Variants in SPTB observed in about 807,000 individuals in gnomAD.
SPTB encodes the protein spectrin beta chain, erythrocytic.
A neutral mutation model predicts 256.2 loss-of-function variants in SPTB; 45 were observed. That is an observed-to-expected ratio of 0.18 (90% CI 0.14 to 0.23). The LOEUF (loss-of-function observed/expected upper bound fraction) is 0.23, where lower values mean the gene tolerates loss of function less well. SPTB is among the 10% of genes least tolerant of loss of function. SPTB has a pLI of 1.00. For synonymous variants in SPTB, 1,231 were observed against 1,243.1 expected (o/e 0.99, Z 0.21); for missense variants, 2,715 against 3,040.4 (o/e 0.89, Z 2.52).
At position 64,796,001 on chromosome 14, in the gene SPTB, C is replaced by G. The variant is rs1435784348; in HGVS notation, c.1342-362G>C. 6.6e-6 allele frequency among the ~76,000 whole-genome samples: 1 copy of G among 152,212 alleles called. No homozygotes were observed. Among genetic ancestry groups the G allele is most frequent in the African/African-American group, 2.4e-5 (1 of 41,460 alleles). ...GCTGCTTCTCACTCGGAAACCCATG[C>G]ACCAGCAAACAGATGGTTTATTCAC... is the stretch of plus-strand genomic sequence containing the variant. On this transcript the variant is annotated intron_variant, in intron 11 of 35. Coordinates refer to ENST00000644917, the MANE Select transcript of SPTB (RefSeq NM_001355436.2). The surrounding 1 kb of genome is among the most constrained non-coding windows in gnomAD (Gnocchi z 4.1).
rs759448907 is a variant in SPTB, at chr14:64,796,843, G to T, written c.1183-128C>A. ...GTACAGCCTGATGCTCTTGGGTGAC[G>T]TGGTAGCAGATTAAAGATCAATAAA... On this transcript the variant is annotated intron_variant, in intron 10 of 35. Transcript: ENST00000644917. The surrounding 1 kb of genome is among the most constrained non-coding windows in gnomAD (Gnocchi z 4.1). The T allele has an allele frequency of 2.4e-5, 30 of 1,235,174 alleles. No individual in the cohort carries two copies. Among genetic ancestry groups the T allele is most frequent in the Non-Finnish European group, 3.4e-5 (29 of 864,108 alleles). 76.5% of individuals were successfully genotyped at this position (1,235,174 alleles called of 1,614,324 possible).
At position 64,797,754 on chromosome 14, in the gene SPTB, C is replaced by T. The variant is rs761256991; in HGVS notation, c.1157G>A (p.Gly386Glu). 1.9e-6 allele frequency: 3 copies of T among 1,613,844 alleles called. No homozygotes were observed. Among genetic ancestry groups the T allele is most frequent in the East Asian group, 4.5e-5 (2 of 44,876 alleles). Residue 386 changes from glycine (G) to glutamate (E), a missense_variant, in exon 10 of 36, where the codon GGG (glycine) becomes GAG (glutamate). Transcript: ENST00000644917. The part of the protein sequence containing the change: ...NNQKVYTPHD[G>E]KLVSDINRAW... The stretch of plus-strand genomic sequence containing the variant: ...CCTGTTGATGTCAGACACTAGTTTC[C>T]CATCGTGGGGTGTGTACACTTTCTG...
chr14:64,771,453 C>T (rs4902309), intron 26 of SPTB, among the ~76,000 whole-genome samples: 9,090 of 152,246 alleles, frequency 0.06, 322 homozygotes, highest in Non-Finnish European at 0.089. Context: ...GAACTCTCTT[C>T]GTCTTTCCAA....
intron 2 of SPTB, among the ~76,000 whole-genome samples, chr14:64,818,414 G>A (rs563635571): frequency 1.3e-5 from 2 of 152,284 alleles, no homozygotes; most frequent in East Asian, 1.9e-4. Context: ...GAAGGAGGGA[G>A]GGGAGGGAAG....
In SPTB at chr14:64,802,065, C is replaced by T. The variant is rs542850682; in HGVS notation, c.566+161G>A. 7.2e-5 allele frequency among the ~76,000 whole-genome samples: 11 copies of T among 152,348 alleles called. No homozygotes were observed. Among genetic ancestry groups the T allele is most frequent in the Non-Finnish European group, 1.2e-4 (8 of 68,038 alleles). On this transcript the variant is annotated intron_variant, in intron 5 of 35. Coordinates refer to ENST00000644917, the MANE Select transcript of SPTB (RefSeq NM_001355436.2). The surrounding 1 kb of genome is among the most constrained non-coding windows in gnomAD (Gnocchi z 5.1). ...CAACTTTGGAAAAGAATCCTGTATT[C>T]CAGGCCTCAAAGAATCAGGTCAGGA...
At chr14:64,817,249 T>C (rs1379000265) in intron 2 of SPTB, among the ~76,000 whole-genome samples, 1 of 151,796 alleles carries the variant, frequency 6.6e-6, no homozygotes, top group East Asian at 1.9e-4. Context: ...AGCTGGCAGG[T>C]TTATCTACAC....
intron 1 of SPTB, among the ~76,000 whole-genome samples, chr14:64,867,730 T>G (rs1329013128): frequency 6.6e-6 from 1 of 151,958 alleles, no homozygotes; most frequent in Non-Finnish European, 1.5e-5. Flanking sequence ...GGCGGGCACC[T>G]GTAATCCCAG....
Position 64,847,317 on chromosome 14 carries a change from T to C in SPTB, c.-51-24172A>G, listed in dbSNP as rs1179033373. ...TGTGAGAACACGTGCTCCATCCACA[T>C]GAAAAAGAATGGGCGGAACAAATCA... On this transcript the variant is annotated intron_variant, in intron 1 of 35. Coordinates refer to ENST00000644917, the MANE Select transcript of SPTB (RefSeq NM_001355436.2). This position sits in a 1 kb window ranked among gnomAD's most constrained non-coding sequence, Gnocchi z 5.9. 1.3e-5 allele frequency among the ~76,000 whole-genome samples: 2 copies of C among 152,110 alleles called. No individual in the cohort carries two copies. Among genetic ancestry groups the C allele is most frequent in the African/African-American group, 2.4e-5 (1 of 41,420 alleles).
intron 1 of SPTB, among the ~76,000 whole-genome samples, chr14:64,858,376 A>G (rs1448230814): frequency 6.6e-6 from 1 of 152,180 alleles, no homozygotes; most frequent in South Asian, 2.1e-4. Context: ...TTTTGCAGAG[A>G]TGATAGGTGA....
chr14:64,817,525 G>C (rs953415543), intron 2 of SPTB, among the ~76,000 whole-genome samples: 1 of 152,198 alleles, frequency 6.6e-6, no homozygotes, highest in Non-Finnish European at 1.5e-5. Context: ...GACATGGGGG[G>C]AACATGGACA....
At position 64,772,793 on chromosome 14, in the gene SPTB, T is replaced by G; in HGVS notation, c.5340A>C (p.Ala1780=). ...EWKDGLNEMW[A]DLLELIDTRM... Reference sequence around the variant, plus strand: ...GCGTGTCAATGAGCTCCAGGAGGTCTGCCCACATCTCGTTCAGCCCGTCCT... The same window carrying G: ...GCGTGTCAATGAGCTCCAGGAGGTCGGCCCACATCTCGTTCAGCCCGTCCT... Residue 1780 remains alanine, a synonymous_variant, in exon 26 of 36, where the codon GCA becomes GCC. Transcript: ENST00000644917. The surrounding 1 kb of genome is among the most constrained non-coding windows in gnomAD (Gnocchi z 5.4). 6.2e-7 allele frequency: 1 copy of G among 1,614,016 alleles called. No homozygotes were observed. Among genetic ancestry groups the G allele is most frequent in the South Asian group, 1.1e-5 (1 of 91,088 alleles).
chr14:64,817,920 G>C (rs528759278), intron 2 of SPTB, among the ~76,000 whole-genome samples: 1 of 152,344 alleles, frequency 6.6e-6, no homozygotes, highest in South Asian at 2.1e-4. Context: ...AGACAGTTAA[G>C]GCTCAGAGTG....
In SPTB at chr14:64,758,986, G is replaced by A. The variant is rs567364951; in HGVS notation, c.6346-5193C>T. Reference sequence around the variant, plus strand: ...GGGGGTGGGGGAGGCTGGAGATGGGGTAGATGAAGCTGATGTGAGAAAAGA... The same window carrying A: ...GGGGGTGGGGGAGGCTGGAGATGGGATAGATGAAGCTGATGTGAGAAAAGA... On this transcript the variant is annotated intron_variant, in intron 32 of 35. Coordinates refer to ENST00000644917, the MANE Select transcript of SPTB (RefSeq NM_001355436.2). The surrounding 1 kb of genome is among the most constrained non-coding windows in gnomAD (Gnocchi z 4.6). Among the ~76,000 whole-genome samples the A allele has an allele frequency of 3.9e-5, 6 of 152,238 alleles. No homozygotes were observed. The highest frequency in any genetic ancestry group is 7.4e-5 in the Non-Finnish European group (5 of 68,004).
In SPTB at chr14:64,852,532, G is replaced by A. The variant is rs976222822; in HGVS notation, c.-52+27260C>T. Among the ~76,000 whole-genome samples the A allele has an allele frequency of 1.3e-5, 2 of 152,212 alleles. No individual in the cohort carries two copies. Among genetic ancestry groups the A allele is most frequent in the Non-Finnish European group, 2.9e-5 (2 of 68,032 alleles). ...TTACAGGCAGGGAACTGATTAGGAT[G>A]TCACTGCAGTAACTGAGACAAGAGA... On this transcript the variant is annotated intron_variant, in intron 1 of 35. Coordinates refer to ENST00000644917, the MANE Select transcript of SPTB (RefSeq NM_001355436.2). This position sits in a 1 kb window ranked among gnomAD's most constrained non-coding sequence, Gnocchi z 4.2.
intron 9 of SPTB, 125 bp downstream of exon 9, chr14:64,799,622 C>CAGCTCT: frequency 8.8e-7 from 1 of 1,142,044 alleles, no homozygotes; most frequent in Non-Finnish European, 1.3e-6. Flanking sequence ...GACACACATA[C>CAGCTCT]AGCTCTCTAA....
rs1489458623 is a variant in SPTB, at chr14:64,796,728, T to C, written c.1183-13A>G. On this transcript the variant is annotated splice_polypyrimidine_tract_variant and intron_variant, in intron 10 of 35. Coordinates refer to ENST00000644917, the MANE Select transcript of SPTB (RefSeq NM_001355436.2). The surrounding 1 kb of genome is among the most constrained non-coding windows in gnomAD (Gnocchi z 4.1). Reference sequence around the variant, plus strand: ...GGCTTTCCCAGGCCTGCACAAAGGATGGAATGAGAATTCTTGGGGCACAGG... The same window carrying C: ...GGCTTTCCCAGGCCTGCACAAAGGACGGAATGAGAATTCTTGGGGCACAGG... The C allele has an allele frequency of 6.2e-7, 1 of 1,614,028 alleles. No individual in the cohort carries two copies. The highest frequency in any genetic ancestry group is 1.3e-5 in the African/African-American group (1 of 74,938).
At chr14:64,769,162 T>C (rs781517274) in intron 28 of SPTB, 44 bp from the exon 29 acceptor site, 2 of 1,577,566 alleles carry the variant, frequency 1.3e-6, no homozygotes, top group African/African-American at 1.3e-5. Context: ...GGCTCACCCT[T>C]CACCATCTGA....
At chr14:64,878,535 A>G (rs995860732) in intron 1 of SPTB, among the ~76,000 whole-genome samples, 5 of 152,228 alleles carry the variant, frequency 3.3e-5, no homozygotes. Context: ...ATTCTAGAAT[A>G]AAATTCAGAG....
At chr14:64,855,634 ATCT>A (rs1177429082) in intron 1 of SPTB, among the ~76,000 whole-genome samples, 3 of 152,060 alleles carry the variant, frequency 2.0e-5, no homozygotes, top group Non-Finnish European at 2.9e-5. Flanking sequence ...AGAAATGTGG[ATCT>A]TCTTTTTAAG....
Sources: allele counts gnomAD v4.1 joint callset (sites outside exome capture counted in the v4.1 genomes callset), GRCh38; gene constraint gnomAD v4.1.1; non-coding constraint Gnocchi (gnomAD v3.1); transcripts MANE v1.5; gene names NCBI Gene and HGNC (gene_info 2026-07-23, HGNC 2026-07-21).